The following SLCO1C1 variants were observed in gnomAD, a reference collection of about 807,000 sequenced individuals.
The protein encoded by SLCO1C1 is solute carrier organic anion transporter family member 1C1.
SLCO1C1 carries 70 observed loss-of-function variants against 76.4 expected under a neutral mutation model. The observed-to-expected ratio is 0.92, with a 90% CI of 0.76 to 1.12. The LOEUF (loss-of-function observed/expected upper bound fraction) is 1.12, where lower values mean the gene tolerates loss of function less well. Among genes scored for constraint, SLCO1C1 ranks in the 50% most tolerant of loss-of-function variants. The pLI is 0.00. For synonymous variants in SLCO1C1, 306 were observed against 286.1 expected, an observed-to-expected ratio of 1.07 and a Z score of -0.70; for missense variants, 912 against 823.8, an observed-to-expected ratio of 1.11 and a Z score of -1.31.
chr12:20,715,789 TA>T (rs1234645119), intron 6 of SLCO1C1, among the ~76,000 whole-genome samples: 1 of 151,918 alleles, frequency 6.6e-6, no homozygotes, highest in Non-Finnish European at 1.5e-5. Context: ...GAAAAGTATA[TA>T]AAAAATAAAA....
At chr12:20,703,148 T>C (rs1359674107) in intron 3 of SLCO1C1, among the ~76,000 whole-genome samples, 1 of 151,886 alleles carries the variant, frequency 6.6e-6, no homozygotes, top group Non-Finnish European at 1.5e-5. Flanking sequence ...TTGCCCTAAT[T>C]ATTTGAGTTA....
At chr12:20,704,841 A>G (rs960703491) in intron 3 of SLCO1C1, among the ~76,000 whole-genome samples, 1 of 151,998 alleles carries the variant, frequency 6.6e-6, no homozygotes, top group Non-Finnish European at 1.5e-5. Flanking sequence ...ATCTTACTGT[A>G]TTTAGCATGG....
chr12:20,708,246 A>G (rs1402218092), intron 4 of SLCO1C1, among the ~76,000 whole-genome samples: 10 of 152,168 alleles, frequency 6.6e-5, no homozygotes, highest in Non-Finnish European at 4.4e-5. Flanking sequence ...CCTATTCCTA[A>G]TAGGCTGTTT....
At chr12:20,733,296 T>C (rs185954426) in intron 10 of SLCO1C1, among the ~76,000 whole-genome samples, 192 bp downstream of exon 10, 17 of 152,276 alleles carry the variant, frequency 1.1e-4, no homozygotes, top group South Asian at 2.1e-4. Flanking sequence ...CCTTTGATTG[T>C]AGAGAAATAT....
At chr12:20,727,697 G>T (rs1330536458) in intron 9 of SLCO1C1, among the ~76,000 whole-genome samples, 5 of 152,134 alleles carry the variant, frequency 3.3e-5, no homozygotes, top group Non-Finnish European at 7.4e-5. Flanking sequence ...TTTTAGTAGA[G>T]ACAGGGTTTC....
intron 13 of SLCO1C1, among the ~76,000 whole-genome samples, chr12:20,743,602 T>C (rs1250524475): frequency 6.6e-6 from 1 of 152,190 alleles, no homozygotes; most frequent in Non-Finnish European, 1.5e-5. Context: ...AGAGATTTTG[T>C]GAAATTAATC....
chr12:20,721,875 A>G lies in SLCO1C1; in HGVS notation c.847A>G (p.Ile283Val), dbSNP rs1365102634. The change falls in exon 8 of 15, where the codon ATC becomes GTC. Residue 283 changes from isoleucine to valine, a missense_variant. Coordinates refer to ENST00000266509, the MANE Select transcript of SLCO1C1 (RefSeq NM_017435.5). The stretch of plus-strand genomic sequence containing the variant: ...GTGGCTTGGCTATCTAATAGCAGGA[A>G]TCATAAGTCTTCTTGCAGCTGTGCC... The part of the protein sequence containing the change: ...AWWLGYLIAG[I>V]ISLLAAVPFW... 1.2e-5 allele frequency: 20 copies of G among 1,614,070 alleles called. No homozygotes were observed. Among genetic ancestry groups the G allele is most frequent in the Non-Finnish European group, 1.6e-5 (19 of 1,180,032 alleles).
chr12:20,700,958 T>C (rs748243374), intron 2 of SLCO1C1, among the ~76,000 whole-genome samples: 2 of 152,086 alleles, frequency 1.3e-5, no homozygotes, highest in Non-Finnish European at 2.9e-5. Context: ...GTTTGGCTTA[T>C]GGTTTCATTT....
chr12:20,716,856 T>A (rs868093498), intron 6 of SLCO1C1, among the ~76,000 whole-genome samples: 2 of 152,206 alleles, frequency 1.3e-5, no homozygotes, highest in African/African-American at 2.4e-5. Context: ...GAAATAAAAG[T>A]TTTTTCCATT....
intron 4 of SLCO1C1, among the ~76,000 whole-genome samples, chr12:20,711,062 T>A (rs75567338): frequency 6.6e-6 from 1 of 151,994 alleles, no homozygotes; most frequent in South Asian, 2.1e-4. Flanking sequence ...CAACAGTTGA[T>A]GAGCTAAAAA....
rs758436236 is a variant in SLCO1C1 at position 20,737,159 on chromosome 12, A to G, written c.1435A>G (p.Arg479Gly). The change falls in exon 11 of 15, where the codon AGA becomes GGA. Residue 479 changes from arginine (R) to glycine (G), a missense_variant. By Grantham distance (125) the Arg-to-Gly change is moderately radical. Transcript: ENST00000266509. ...ERALFSDCNS[R>G]CKCSETKWEP... ...AGCTCTCTTTTCAGATTGCAACTCA[A>G]GATGCAAATGTTCAGAGACAAAATG... The G allele has an allele frequency of 3.2e-6, 5 of 1,561,026 alleles. No individual in the cohort carries two copies. The South Asian group carries it at 4.9e-5, about 15-fold the overall frequency.
intron 9 of SLCO1C1, among the ~76,000 whole-genome samples, chr12:20,724,411 GTATATATATATATATA>G (rs1168220832): frequency 4.4e-4 from 39 of 88,216 alleles, no homozygotes; most frequent in African/African-American, 1.7e-3. Context: ...GTGTGTGTGT[GTATATATATATATATA>G]TATATATATA....
Position 20,743,350 on chromosome 12 carries a change from A to C in SLCO1C1, c.1779A>C (p.Thr593=). 6.2e-7 allele frequency: 1 copy of C among 1,612,988 alleles called. No homozygotes were observed. Reference sequence around the variant, plus strand: ...AGTCTTTTGCCTTGGGTATCTACACATTAGCAATAAGAGTTCTTGGTAAGT... The same window carrying C: ...AGTCTTTTGCCTTGGGTATCTACACCTTAGCAATAAGAGTTCTTGGTAAGT... ...QLKSFALGIY[T]LAIRVLAGIP... The change falls in exon 13 of 15, where the codon ACA becomes ACC. Residue 593 remains threonine (T), a synonymous_variant. Transcript: ENST00000266509.
In SLCO1C1 at chr12:20,722,062, C is replaced by G. The variant is rs67046345; in HGVS notation, c.1021+13C>G. The G allele has an allele frequency of 1.2e-6, 2 of 1,607,174 alleles. No homozygotes were observed. Among genetic ancestry groups the G allele is most frequent in the Non-Finnish European group, 1.7e-6 (2 of 1,177,272 alleles). On this transcript the variant is annotated intron_variant, in intron 8 of 14. Coordinates refer to ENST00000266509, the MANE Select transcript of SLCO1C1 (RefSeq NM_017435.5). ...GAAATGGCAAGAGGTAAGTCAAATT[C>G]TTGATTTTGAAGTATTTTCATTTTT...
chr12:20,698,166 T>C (rs1412245545), intron 1 of SLCO1C1, among the ~76,000 whole-genome samples: 1 of 152,066 alleles, frequency 6.6e-6, no homozygotes, highest in Non-Finnish European at 1.5e-5. Context: ...AATATCTGTG[T>C]TTTATCTCAT....
At chr12:20,734,952 A>C (rs1037018757) in intron 10 of SLCO1C1, among the ~76,000 whole-genome samples, 8 of 152,318 alleles carry the variant, frequency 5.3e-5, no homozygotes, top group South Asian at 2.1e-4. Context: ...ATCTTTCAGC[A>C]TAACTATCTT....
At chr12:20,703,968 T>G in intron 3 of SLCO1C1, among the ~76,000 whole-genome samples, 1 of 144,598 alleles carries the variant, frequency 6.9e-6, no homozygotes, top group Admixed American at 7.2e-5. Flanking sequence ...TGTGTGTGTG[T>G]GTGTGTGTGT....
intron 12 of SLCO1C1, among the ~76,000 whole-genome samples, chr12:20,742,248 A>G (rs911047505): frequency 1.3e-5 from 2 of 152,044 alleles, no homozygotes; most frequent in Non-Finnish European, 2.9e-5. Context: ...CACAGAAAGC[A>G]TCTTTCTAAC....
chr12:20,721,652 G>A (rs574374648), intron 7 of SLCO1C1, 152 bp from the exon 8 acceptor site: 5 of 956,728 alleles, frequency 5.2e-6, no homozygotes, highest in Non-Finnish European at 7.3e-6. Context: ...GTATGCCTGT[G>A]GTAAGATCCA....
Sources: allele counts gnomAD v4.1 joint callset (sites outside exome capture counted in the v4.1 genomes callset), GRCh38; gene constraint gnomAD v4.1.1; transcripts MANE v1.5; gene names NCBI Gene and HGNC (gene_info 2026-07-23, HGNC 2026-07-21).